The following SPEF2 variants were observed in gnomAD, a reference collection of about 807,000 sequenced individuals.
The protein encoded by SPEF2 is sperm flagellar and cilia associated 2, also known as sperm flagella and cilia-associated protein 2.
In SPEF2, 187 loss-of-function variants were observed where a neutral mutation model predicts 224.6. The observed-to-expected ratio is 0.83, with a 90% confidence interval of 0.74 to 0.94. The LOEUF (loss-of-function observed/expected upper bound fraction) is 0.94, where lower values mean the gene tolerates loss of function less well. SPEF2 is among the 40% of genes least tolerant of loss of function. The pLI is 0.00. For missense variants in SPEF2, 2,170 were observed against 2,135.6 expected, an observed-to-expected ratio of 1.02 and a Z score of -0.32; for synonymous variants, 715 against 707.3, an observed-to-expected ratio of 1.01 and a Z score of -0.17.
chr5:35,673,326 C>T (rs562301041), intron 10 of SPEF2, among the ~76,000 whole-genome samples: 2 of 152,316 alleles, frequency 1.3e-5, no homozygotes, highest in South Asian at 4.1e-4. Flanking sequence ...CAAACTCCCC[C>T]TAATGCAAAT....
intron 19 of SPEF2, chr5:35,710,363 C>T (rs72738835): frequency 0.018 from 12,290 of 667,592 alleles, 192 homozygotes; most frequent in Non-Finnish European, 0.02. Flanking sequence ...TTCGAGACCC[C>T]GCTGGCCAAC....
chr5:35,733,542 G>A (rs1376286122), intron 21 of SPEF2, among the ~76,000 whole-genome samples: 2 of 152,132 alleles, frequency 1.3e-5, no homozygotes, highest in Admixed American at 1.3e-4. Flanking sequence ...AATATTATAG[G>A]AAGAGAGAAT....
At chr5:35,754,256 T>TA (rs200465357) in intron 24 of SPEF2, among the ~76,000 whole-genome samples, 5,296 of 152,162 alleles carry the variant, frequency 0.035, 148 homozygotes, top group Admixed American at 0.054. Context: ...CTATTAAATT[T>TA]AAAAAAATTG....
chr5:35,756,593 G>A (rs7447258), intron 24 of SPEF2, among the ~76,000 whole-genome samples: 130,194 of 152,204 alleles, frequency 0.86, 56,794 homozygotes, highest in Non-Finnish European at 0.94. Flanking sequence ...GTTCGCACAT[G>A]GTTTTGGAGG....
chr5:35,709,503 G>A (rs551808614), intron 19 of SPEF2: 3 of 991,694 alleles, frequency 3.0e-6, no homozygotes, highest in African/African-American at 3.5e-5. Context: ...AAATAAGAAT[G>A]AGTATAGCTG....
At chr5:35,742,555 G>T (rs998970684) in intron 23 of SPEF2, among the ~76,000 whole-genome samples, 6 of 151,504 alleles carry the variant, frequency 4.0e-5, no homozygotes, top group African/African-American at 1.5e-4. Flanking sequence ...GTTAATCTTT[G>T]CCAATTTAAT....
At chr5:35,721,591 G>A (rs10071847) in intron 20 of SPEF2, among the ~76,000 whole-genome samples, 1 of 152,120 alleles carries the variant, frequency 6.6e-6, no homozygotes, top group Admixed American at 6.6e-5. Context: ...CTTTAGGGCT[G>A]TTTTTACTTC....
At position 35,776,010 on chromosome 5, in the gene SPEF2, T is replaced by G. The variant is rs557084274; in HGVS notation, c.4079-247T>G. Among the ~76,000 whole-genome samples the G allele has an allele frequency of 9.2e-5, 14 of 152,308 alleles. No homozygotes were observed. The South Asian group carries it at 2.7e-3, about 29-fold the overall frequency. Reference sequence around the variant, plus strand: ...CACATTTCATTTATCAAAGAGTAGATTGCTACAAAGTGCAATAGATAAAAA... The same window carrying G: ...CACATTTCATTTATCAAAGAGTAGAGTGCTACAAAGTGCAATAGATAAAAA... On this transcript the variant is annotated intron_variant, in intron 28 of 36. Coordinates refer to ENST00000356031, the MANE Select transcript of SPEF2 (RefSeq NM_024867.4).
At chr5:35,752,206 G>T (rs1335549574) in intron 23 of SPEF2, among the ~76,000 whole-genome samples, 1 of 152,094 alleles carries the variant, frequency 6.6e-6, no homozygotes, top group East Asian at 1.9e-4. Context: ...CCATGGATGG[G>T]TACCACCTCG....
At chr5:35,671,301 A>G in intron 10 of SPEF2, 2 of 966,514 alleles carry the variant, frequency 2.1e-6, no homozygotes, top group Non-Finnish European at 2.5e-6. Flanking sequence ...CTTGTGGTTA[A>G]AAGATAAGGA....
chr5:35,767,872 C>A (rs556402268), intron 26 of SPEF2, among the ~76,000 whole-genome samples: 1 of 152,166 alleles, frequency 6.6e-6, no homozygotes, highest in Non-Finnish European at 1.5e-5. Context: ...GAATCTCACA[C>A]CCTTGACCTT....
intron 10 of SPEF2, among the ~76,000 whole-genome samples, chr5:35,687,865 AC>A (rs1561197896): frequency 6.6e-6 from 1 of 152,138 alleles, no homozygotes; most frequent in African/African-American, 2.4e-5. Flanking sequence ...CAGAATCTAT[AC>A]ATTTTTTGTT....
chr5:35,705,615 A>T, intron 17 of SPEF2, 36 bp from the exon 18 acceptor site: 1 of 1,458,782 alleles, frequency 6.9e-7, no homozygotes, highest in Non-Finnish European at 9.2e-7. Context: ...TCTTTTGATC[A>T]GTATGAGATA....
At chr5:35,777,232 G>A (rs6876261) in intron 29 of SPEF2, among the ~76,000 whole-genome samples, 3,929 of 152,220 alleles carry the variant, frequency 0.026, 183 homozygotes, top group African/African-American at 0.091. Flanking sequence ...GTTATGGTTC[G>A]TTTTCTCTGG....
intron 10 of SPEF2, chr5:35,670,592 C>G: frequency 1.0e-6 from 1 of 988,404 alleles, no homozygotes; most frequent in Non-Finnish European, 1.2e-6. Context: ...CTTTTGTAAT[C>G]AATCTAAATA....
rs1561269802 is a variant in SPEF2, at chr5:35,727,778, G to A, written c.3018G>A (p.Lys1006=). The change falls in exon 21 of 37, where the codon AAG becomes AAA. Residue 1006 remains lysine (K), a synonymous_variant. Transcript: ENST00000356031. ...TTGCAATAGTGCCACAGCCACCTAA[G>A]CCAGGATCAGAAGAATGGGTCTATG... ...SPVAIVPQPP[K]PGSEEWVYVN... The A allele has an allele frequency of 1.2e-6, 2 of 1,613,866 alleles. No individual in the cohort carries two copies. The highest frequency in any genetic ancestry group is 2.7e-5 in the African/African-American group (2 of 74,928).
chr5:35,697,869 G>A (rs952621095), intron 15 of SPEF2, 76 bp downstream of exon 15: 19 of 1,073,238 alleles, frequency 1.8e-5, no homozygotes, highest in Middle Eastern at 2.2e-4. Flanking sequence ...AGAATAATAC[G>A]GATTTTTTGT....
At position 35,779,047 on chromosome 5, in the gene SPEF2, T is replaced by A. The variant is rs984819640; in HGVS notation, c.4218-70T>A. Reference sequence around the variant, plus strand: ...ATCTGTTTACTTTTGTGTATATGTCTTATAAGCAAACTTTATTAATCTAAT... The same window carrying A: ...ATCTGTTTACTTTTGTGTATATGTCATATAAGCAAACTTTATTAATCTAAT... On this transcript the variant is annotated intron_variant, in intron 29 of 36. Coordinates refer to ENST00000356031, the MANE Select transcript of SPEF2 (RefSeq NM_024867.4). 6 of 1,199,630 alleles carry A rather than the reference T, an allele frequency of 5.0e-6. No individual in the cohort carries two copies. In the African/African-American group the frequency reaches 6.1e-5, roughly 12 times the overall value. 74.3% of individuals were successfully genotyped at this position (1,199,630 alleles called of 1,614,324 possible). A position where few individuals can be genotyped will look rare whatever the true frequency, so the allele number is the denominator to read the frequency against.
In SPEF2 at chr5:35,708,950, G is replaced by T; in HGVS notation, c.2668G>T (p.Glu890Ter). The change falls in exon 19 of 37, where the codon GAG becomes TAG. Residue 890 changes from glutamate (E) to a stop codon, truncating the protein, a stop_gained and splice_region_variant. Transcript: ENST00000356031. LOFTEE classifies it high-confidence loss of function. ...CAATTCTTATCATCCTTTTGAAGTT[G>T]AGAAGAAATTAGAAGAAAAGGAAGC... ...TEIAKKKNKVEKKLEEKEAEK... is the reference protein window; with the variant it reads ...TEIAKKKNKV 6.2e-7 allele frequency: 1 copy of T among 1,606,396 alleles called. No homozygotes were observed. Among genetic ancestry groups the T allele is most frequent in the Non-Finnish European group, 8.5e-7 (1 of 1,178,218 alleles).
Sources: allele counts gnomAD v4.1 joint callset (sites outside exome capture counted in the v4.1 genomes callset), GRCh38; gene constraint gnomAD v4.1.1; transcripts MANE v1.5; gene names NCBI Gene and HGNC (gene_info 2026-07-23, HGNC 2026-07-21).